Variants in ZNF714 observed in about 807,000 individuals in gnomAD.
ZNF714 encodes zinc finger protein 714.
ZNF714 carries 32 observed loss-of-function variants against 46.2 expected under a neutral mutation model. That is an observed-to-expected ratio of 0.69 (90% CI 0.52 to 0.93). The LOEUF (loss-of-function observed/expected upper bound fraction) is 0.93, where lower values mean the gene tolerates loss of function less well. ZNF714 is among the 40% of genes least tolerant of loss of function. The probability of loss-of-function intolerance (pLI) is 0.00; values close to 1 mark genes in which losing one functional copy is unlikely to be tolerated. For synonymous variants in ZNF714, 199 were observed against 213.1 expected (o/e 0.93, Z 0.58); for missense variants, 635 against 646.3 (o/e 0.98, Z 0.19).
At chr19:21,095,572 C>G (rs1405728369) in intron 2 of ZNF714, among the ~76,000 whole-genome samples, 2 of 151,996 alleles carry the variant, frequency 1.3e-5, no homozygotes, top group Non-Finnish European at 2.9e-5. Context: ...ACGCCATTCT[C>G]CTGCCTCAGC....
intron 2 of ZNF714, among the ~76,000 whole-genome samples, chr19:21,096,050 T>C (rs1237500510): frequency 1.3e-5 from 2 of 152,176 alleles, no homozygotes; most frequent in African/African-American, 2.4e-5. Flanking sequence ...AAGGGTGGCT[T>C]CAGGACCTGT....
At position 21,122,460 on chromosome 19, in the gene ZNF714, A is replaced by T. The variant is rs577854004; in HGVS notation, c.*4128A>T. Reference sequence around the variant, plus strand: ...CGGTCTCTACTAATAAACTACAAAAATTAGCTGATTGTGGTGGCATCCACC... The same window carrying T: ...CGGTCTCTACTAATAAACTACAAAATTTAGCTGATTGTGGTGGCATCCACC... On this transcript the variant is annotated 3_prime_UTR_variant, in exon 5 of 5. Coordinates refer to ENST00000456283, the MANE Select transcript of ZNF714 (RefSeq NM_182515.4). 1.8e-4 allele frequency: 27 copies of T among 152,288 alleles called. No homozygotes were observed. The highest frequency in any genetic ancestry group is 1.8e-3 in the Admixed American group (27 of 15,302). 9.4% of individuals were successfully genotyped at this position (152,288 alleles called of 1,614,324 possible).
intron 1 of ZNF714, among the ~76,000 whole-genome samples, chr19:21,083,453 C>T (rs1363323667): frequency 6.6e-6 from 1 of 152,106 alleles, no homozygotes; most frequent in Non-Finnish European, 1.5e-5. Context: ...TCAACTGTGT[C>T]CCAAGCACTG....
chr19:21,096,711 G>A (rs1969049549), intron 2 of ZNF714, among the ~76,000 whole-genome samples: 1 of 152,154 alleles, frequency 6.6e-6, no homozygotes, highest in African/African-American at 2.4e-5. Flanking sequence ...ATGGGAAGAT[G>A]TGGATACTCA....
intron 1 of ZNF714, 116 bp downstream of exon 1, chr19:21,082,464 G>C (rs930388512): frequency 1.9e-6 from 2 of 1,072,718 alleles, no homozygotes; most frequent in African/African-American, 1.5e-5. Context: ...TCTGCGCCCG[G>C]AGTTCTCCTT....
rs1348542144 is a variant in ZNF714 at position 21,123,730 on chromosome 19, A to C, written c.*5398A>C. Reference sequence around the variant, plus strand: ...CAGAATCTTTTAAGTGTGGTGGTAAAGATTGCAAAATAATAAAATGACCTC... The same window carrying C: ...CAGAATCTTTTAAGTGTGGTGGTAACGATTGCAAAATAATAAAATGACCTC... On this transcript the variant is annotated 3_prime_UTR_variant, in exon 5 of 5. Transcript: ENST00000456283. 1 of 152,242 alleles carries C rather than the reference A, an allele frequency of 6.6e-6. No individual in the cohort carries two copies. Among genetic ancestry groups the C allele is most frequent in the Non-Finnish European group, 1.5e-5 (1 of 68,042 alleles). The allele number at this position is 152,242 out of a possible 1,614,324, so 9.4% of individuals were successfully genotyped here.
rs144086764 is a variant in ZNF714, at chr19:21,103,540, G to A, written c.142+4630G>A. On this transcript the variant is annotated intron_variant, in intron 4 of 4. Transcript: ENST00000456283. ...TGCACTCCAGCCTGGGTGACAGAGC[G>A]AGATTATGTCTCAAAAAAATGAGAA... 5.0e-3 allele frequency among the ~76,000 whole-genome samples: 754 copies of A among 152,198 alleles called. 5 individuals are homozygous for A. The highest frequency in any genetic ancestry group is 8.5e-3 in the Non-Finnish European group (577 of 68,012).
intron 2 of ZNF714, among the ~76,000 whole-genome samples, chr19:21,084,772 C>T (rs60214484): frequency 7.6e-4 from 109 of 144,186 alleles, no homozygotes; most frequent in African/African-American, 2.5e-3. Flanking sequence ...GGTATGATCT[C>T]GGCTCACTGC....
chr19:21,108,882 T>C (rs1969383817), intron 4 of ZNF714, among the ~76,000 whole-genome samples: 1 of 152,234 alleles, frequency 6.6e-6, no homozygotes, highest in South Asian at 2.1e-4. Context: ...TGCTTCACCT[T>C]TGCCAAAATT....
Position 21,082,321 on chromosome 19 carries a change from C to T in ZNF714, c.-204C>T. On this transcript the variant is annotated 5_prime_UTR_variant, in exon 1 of 5. It adds an upstream start codon to the 5' untranslated region. Coordinates refer to ENST00000456283, the MANE Select transcript of ZNF714 (RefSeq NM_182515.4). ...GGTATTGAGAGATCCACAGCTAAGACGCCAGGTACCCCGGAAGCCTAGAAA... is the reference window on the plus strand; with the variant it reads ...GGTATTGAGAGATCCACAGCTAAGATGCCAGGTACCCCGGAAGCCTAGAAA... The T allele has an allele frequency of 1.4e-6, 2 of 1,454,440 alleles. No homozygotes were observed. The highest frequency in any genetic ancestry group is 1.9e-6 in the Non-Finnish European group (2 of 1,075,746). 90.1% of individuals were successfully genotyped at this position (1,454,440 alleles called of 1,614,324 possible).
At chr19:21,087,247 CATG>C (rs1968805747) in intron 2 of ZNF714, among the ~76,000 whole-genome samples, 1 of 103,444 alleles carries the variant, frequency 9.7e-6, no homozygotes, top group East Asian at 3.0e-4. Context: ...AAAAAAAAAA[CATG>C]ATCGACAAGG....
intron 2 of ZNF714, among the ~76,000 whole-genome samples, chr19:21,095,464 TC>T (rs1374651902): frequency 1.0e-4 from 8 of 78,444 alleles, no homozygotes; most frequent in African/African-American, 2.6e-4. Flanking sequence ...TGGTGTTCCA[TC>T]TTTTATTTTT....
intron 4 of ZNF714, among the ~76,000 whole-genome samples, chr19:21,101,665 G>A (rs1969183870): frequency 2.6e-5 from 4 of 152,172 alleles, no homozygotes; most frequent in Admixed American, 2.6e-4. Flanking sequence ...AGGGACTACA[G>A]TAAAAACCAA....
At chr19:21,082,466 GT>G (rs2144813268) in intron 1 of ZNF714, 118 bp downstream of exon 1, 6 of 1,059,164 alleles carry the variant, frequency 5.7e-6, no homozygotes, top group Non-Finnish European at 8.1e-6. Context: ...TGCGCCCGGA[GT>G]TCTCCTTGCT....
rs1398903570 is a variant in ZNF714, at chr19:21,124,066, C to T, written c.*5734C>T. On this transcript the variant is annotated 3_prime_UTR_variant, in exon 5 of 5. Coordinates refer to ENST00000456283, the MANE Select transcript of ZNF714 (RefSeq NM_182515.4). ...GGCTTTCATACCATTACCACCAGTA[C>T]CAGAAACTCCAGGTGGCCCAAGCTT... is the stretch of plus-strand genomic sequence containing the variant. 1.3e-5 allele frequency: 2 copies of T among 152,182 alleles called. No homozygotes were observed. Among genetic ancestry groups the T allele is most frequent in the Non-Finnish European group, 2.9e-5 (2 of 68,050 alleles). 9.4% of individuals were successfully genotyped at this position (152,182 alleles called of 1,614,324 possible). A position where few individuals can be genotyped will look rare whatever the true frequency, so the allele number is the denominator to read the frequency against.
At chr19:21,109,259 A>G (rs1259029661) in intron 4 of ZNF714, among the ~76,000 whole-genome samples, 1 of 152,132 alleles carries the variant, frequency 6.6e-6, no homozygotes, top group Admixed American at 6.5e-5. Context: ...CACTCTGTCA[A>G]CCAGGCTGGT....
At chr19:21,108,372 G>A (rs1194642122) in intron 4 of ZNF714, among the ~76,000 whole-genome samples, 1 of 152,166 alleles carries the variant, frequency 6.6e-6, no homozygotes, top group Non-Finnish European at 1.5e-5. Flanking sequence ...GTATGGTTTG[G>A]ATGTCTATGT....
At position 21,116,953 on chromosome 19, in the gene ZNF714, G is replaced by C; in HGVS notation, c.289G>C (p.Val97Leu). ...KGSANVVECK[V>L]YKKGYNELNQ... ...CTCCGCAAATGTGGTTGAGTGTAAG[G>C]TGTACAAAAAAGGTTATAATGAACT... The change falls in exon 5 of 5, where the codon GTG becomes CTG. Residue 97 changes from valine (V) to leucine (L), a missense_variant. By Grantham distance (32) the Val-to-Leu change is conservative (BLOSUM62 1). Coordinates refer to ENST00000456283, the MANE Select transcript of ZNF714 (RefSeq NM_182515.4). The C allele has an allele frequency of 6.2e-7, 1 of 1,610,638 alleles. No homozygotes were observed. Among genetic ancestry groups the C allele is most frequent in the Non-Finnish European group, 8.5e-7 (1 of 1,179,538 alleles).
Position 21,120,394 on chromosome 19 carries a change from G to A in ZNF714, c.*2062G>A, listed in dbSNP as rs1036908767. ...TATTTGTGATCTTTTCTATTGAAAAGTAAAAACATTAGAATGTAAGATGCA... is the reference window on the plus strand; with the variant it reads ...TATTTGTGATCTTTTCTATTGAAAAATAAAAACATTAGAATGTAAGATGCA... On this transcript the variant is annotated 3_prime_UTR_variant, in exon 5 of 5. Coordinates refer to ENST00000456283, the MANE Select transcript of ZNF714 (RefSeq NM_182515.4). The A allele has an allele frequency of 1.3e-5, 2 of 152,124 alleles. No individual in the cohort carries two copies. Among genetic ancestry groups the A allele is most frequent in the African/African-American group, 2.4e-5 (1 of 41,448 alleles). 9.4% of individuals were successfully genotyped at this position (152,124 alleles called of 1,614,324 possible).
Sources: allele counts gnomAD v4.1 joint callset (sites outside exome capture counted in the v4.1 genomes callset), GRCh38; gene constraint gnomAD v4.1.1; transcripts MANE v1.5; gene names NCBI Gene and HGNC (gene_info 2026-07-23, HGNC 2026-07-21).